DDHD2: variants seen among roughly 807,000 people sequenced by gnomAD.
The protein encoded by DDHD2 is triacylglycerol hydrolase DDHD2.
In DDHD2, 62 loss-of-function variants were observed where a neutral mutation model predicts 91.2. The ratio of observed to expected loss-of-function variants is 0.68; its 90% CI spans 0.55 to 0.84. DDHD2 has a LOEUF of 0.84. Ranked by LOEUF, DDHD2 falls within the 40% of genes least tolerant of loss-of-function variation. DDHD2 has a pLI of 0.00. For missense variants in DDHD2, 740 were observed against 846.9 expected, an observed-to-expected ratio of 0.87 and a Z score of 1.57; for synonymous variants, 271 against 293.9, an observed-to-expected ratio of 0.92 and a Z score of 0.80.
intron 10 of DDHD2, among the ~76,000 whole-genome samples, chr8:38,248,209 C>T (rs1234093904): frequency 6.6e-6 from 1 of 152,064 alleles, no homozygotes; most frequent in Non-Finnish European, 1.5e-5. Flanking sequence ...CCACGCCTGG[C>T]TAATTTTGAT....
At chr8:38,232,620 G>C (rs749532771) in intron 1 of DDHD2, among the ~76,000 whole-genome samples, 47 of 152,374 alleles carry the variant, frequency 3.1e-4, no homozygotes, top group Non-Finnish European at 5.7e-4. Flanking sequence ...CTGACTTGGA[G>C]TAAATTTTCT....
At chr8:38,238,463 C>T (rs1007899862) in intron 5 of DDHD2, 3 of 1,191,934 alleles carry the variant, frequency 2.5e-6, no homozygotes, top group Non-Finnish European at 3.1e-6. Context: ...TACAGATGAA[C>T]TGATTTAGTC....
At chr8:38,264,678 G>T, downstream of DDHD2, 1 of 1,450,278 alleles carries the variant, frequency 6.9e-7, no homozygotes, top group South Asian at 1.5e-5. Flanking sequence ...TAGCATAGAG[G>T]ACCTGGCCCT....
chr8:38,234,663 G>A, intron 3 of DDHD2, 79 bp downstream of exon 3: 1 of 1,275,050 alleles, frequency 7.8e-7, no homozygotes, highest in Non-Finnish European at 1.1e-6. Flanking sequence ...AATTTATTTT[G>A]TGAAATTTCC....
At chr8:38,268,317 C>G (rs928032387) in intron 1 of DDHD2, 2 of 1,467,552 alleles carry the variant, frequency 1.4e-6, no homozygotes, top group Admixed American at 2.0e-5. Context: ...AATCCCACAA[C>G]GACCTCCTAG....
chr8:38,253,332 A>G (rs1319221026), intron 15 of DDHD2: 2 of 720,812 alleles, frequency 2.8e-6, no homozygotes, highest in African/African-American at 3.6e-5. Context: ...TATCAATGGT[A>G]TAGGTAATGA....
chr8:38,234,409 GGAGAGTTGTTCCTACTGATGGGGGCA>G lies in DDHD2; in HGVS notation c.239_264del (p.Arg80IlefsTer2). ...TCCTTGAAAGGAAAAGGTTGTAATGGGAGAGTTGTTCCTACTGATGGGGGCAGATATGATGTTCATTTGGGGGAGAG... is the reference window on the plus strand; with the variant it reads ...TCCTTGAAAGGAAAAGGTTGTAATGGGATATGATGTTCATTTGGGGGAGAG... On this transcript the variant is annotated frameshift_variant, in exon 3 of 18. Transcript: ENST00000397166. LOFTEE classifies it high-confidence loss of function. The G allele has an allele frequency of 1.3e-6, 2 of 1,586,282 alleles. No homozygotes were observed. Among genetic ancestry groups the G allele is most frequent in the Non-Finnish European group, 1.7e-6 (2 of 1,171,862 alleles).
chr8:38,237,823 T>A (rs954000790), intron 4 of DDHD2, among the ~76,000 whole-genome samples, 196 bp downstream of exon 4: 1 of 152,226 alleles, frequency 6.6e-6, no homozygotes, highest in Admixed American at 6.5e-5. Context: ...AATAATTTTC[T>A]TATGGAAAAT....
chr8:38,242,778 AGGG>A (rs1353505942), intron 7 of DDHD2, among the ~76,000 whole-genome samples: 10 of 152,206 alleles, frequency 6.6e-5, no homozygotes, highest in South Asian at 2.1e-4. Flanking sequence ...TTTAGAAAAA[AGGG>A]GGGATTTCTC....
At chr8:38,263,461 G>A, downstream of DDHD2, 1 of 985,188 alleles carries the variant, frequency 1.0e-6, no homozygotes, top group South Asian at 4.7e-5. Context: ...GGTCAAATGA[G>A]GTAGAAACAG....
intron 3 of DDHD2, among the ~76,000 whole-genome samples, 185 bp downstream of exon 3, chr8:38,234,769 A>AG (rs1804571901): frequency 7.0e-6 from 1 of 142,256 alleles, no homozygotes; most frequent in African/African-American, 2.6e-5. Context: ...TTATTTTCAG[A>AG]TTTTTTTTTT....
rs181500069 is a variant in DDHD2 at position 38,240,666 on chromosome 8, T to C, written c.712+302T>C. On this transcript the variant is annotated intron_variant, in intron 6 of 17. Coordinates refer to ENST00000397166, the MANE Select transcript of DDHD2 (RefSeq NM_015214.3). ...TCAAATTTACAGGGAACCATAAAGA[T>C]GATAGAGTTTAATGAATAACAGAAG... Among the ~76,000 whole-genome samples, 191 of 152,338 alleles carry C rather than the reference T, an allele frequency of 1.3e-3. 1 individual carries two copies. Among genetic ancestry groups the C allele is most frequent in the African/African-American group, 4.2e-3 (176 of 41,580 alleles).
At chr8:38,252,448 C>T (rs1001727829) in intron 13 of DDHD2, among the ~76,000 whole-genome samples, 161 bp downstream of exon 13, 5 of 151,978 alleles carry the variant, frequency 3.3e-5, no homozygotes, top group Non-Finnish European at 1.5e-5. Flanking sequence ...CAGAACTGTA[C>T]ATTTTTTTAA....
At chr8:38,235,593 C>T (rs190700215) in intron 3 of DDHD2, among the ~76,000 whole-genome samples, 2 of 151,744 alleles carry the variant, frequency 1.3e-5, no homozygotes, top group Non-Finnish European at 2.9e-5. Context: ...CGGTGGTGCA[C>T]GCCTGTAATC....
At chr8:38,263,587 C>G, downstream of DDHD2, 1 of 985,318 alleles carries the variant, frequency 1.0e-6, no homozygotes, top group Non-Finnish European at 1.2e-6. Flanking sequence ...CACAGCAGTA[C>G]CAGATGGCTG....
At chr8:38,236,982 T>G (rs1424545937) in intron 3 of DDHD2, among the ~76,000 whole-genome samples, 2 of 152,122 alleles carry the variant, frequency 1.3e-5, no homozygotes, top group Non-Finnish European at 2.9e-5. Flanking sequence ...TTAATATTAA[T>G]ATATTAAAAT....
chr8:38,235,878 C>CACAT (rs1414686864), intron 3 of DDHD2, among the ~76,000 whole-genome samples: 1 of 119,556 alleles, frequency 8.4e-6, no homozygotes, highest in Admixed American at 8.4e-5. Context: ...CACGCGCACA[C>CACAT]ACACACACAC....
At position 38,259,366 on chromosome 8, in the gene DDHD2, G is replaced by A. The variant is rs374929377; in HGVS notation, c.2055-674G>A. Among the ~76,000 whole-genome samples, 21 of 150,550 alleles carry A rather than the reference G, an allele frequency of 1.4e-4. 1 individual carries two copies. The highest frequency in any genetic ancestry group is 8.6e-4 in the Admixed American group (13 of 15,076). The stretch of plus-strand genomic sequence containing the variant: ...CTCCTGAGTAGCTGGGACTACAGTC[G>A]CATGCTGCCACGCCTGGCTAGTTTT... On this transcript the variant is annotated intron_variant, in intron 16 of 17. Coordinates refer to ENST00000397166, the MANE Select transcript of DDHD2 (RefSeq NM_015214.3).
At chr8:38,272,617 T>C (rs975686701), downstream of DDHD2, 4 of 152,214 alleles carry the variant, frequency 2.6e-5, no homozygotes, top group Admixed American at 1.3e-4. Context: ...AGGCTGATTA[T>C]CAAAAATCTT....
Sources: allele counts gnomAD v4.1 joint callset (sites outside exome capture counted in the v4.1 genomes callset), GRCh38; gene constraint gnomAD v4.1.1; transcripts MANE v1.5; gene names NCBI Gene and HGNC (gene_info 2026-07-23, HGNC 2026-07-21).